ITIH2: variants seen among roughly 807,000 people sequenced by gnomAD.
The protein encoded by ITIH2 is inter-alpha-trypsin inhibitor heavy chain H2.
A neutral mutation model predicts 104.4 loss-of-function variants in ITIH2; 103 were observed. The observed-to-expected ratio is 0.99, with a 90% confidence interval of 0.84 to 1.16. The LOEUF is 1.16. ITIH2 is among the 50% of genes most tolerant of loss of function. The pLI is 0.00. For missense variants in ITIH2, 1,108 were observed against 1,162.4 expected (o/e 0.95, Z 0.68); for synonymous variants, 436 against 435.4 (o/e 1.00, Z -0.02).
chr10:7,738,372 C>T (rs958193405), intron 15 of ITIH2, among the ~76,000 whole-genome samples: 2 of 146,760 alleles, frequency 1.4e-5, no homozygotes, highest in Non-Finnish European at 3.0e-5. Flanking sequence ...GGCCCTTCCC[C>T]GGCCCTATAA....
At chr10:7,704,304 T>C (rs1225525684) in intron 1 of ITIH2, among the ~76,000 whole-genome samples, 1 of 152,228 alleles carries the variant, frequency 6.6e-6, no homozygotes, top group African/African-American at 2.4e-5. Context: ...AGGGAAAATA[T>C]CACTCTGTCT....
intron 3 of ITIH2, among the ~76,000 whole-genome samples, chr10:7,708,139 C>T (rs1052040063): frequency 6.2e-4 from 94 of 152,132 alleles, no homozygotes; most frequent in African/African-American, 2.1e-3. Flanking sequence ...GTTAATTAGT[C>T]GAAAGGTTTA....
At chr10:7,738,346 T>G (rs568240494) in intron 15 of ITIH2, among the ~76,000 whole-genome samples, 17 of 143,910 alleles carry the variant, frequency 1.2e-4, no homozygotes, top group African/African-American at 4.1e-4. Flanking sequence ...CTCCCCGGCC[T>G]GCACTGGAGT....
chr10:7,717,810 G>A, intron 6 of ITIH2, 22 bp downstream of exon 6: 5 of 1,595,524 alleles, frequency 3.1e-6, no homozygotes, highest in Non-Finnish European at 3.4e-6. Flanking sequence ...TCTGTAGGGT[G>A]GGCAGTGACA....
chr10:7,731,265 C>T (rs899081357), intron 12 of ITIH2, among the ~76,000 whole-genome samples: 1 of 151,950 alleles, frequency 6.6e-6, no homozygotes, highest in Non-Finnish European at 1.5e-5. Flanking sequence ...TCACGCTGAC[C>T]GTAACAGAAA....
intron 3 of ITIH2, among the ~76,000 whole-genome samples, chr10:7,708,625 G>C (rs1411496591): frequency 6.6e-6 from 1 of 152,078 alleles, no homozygotes; most frequent in Non-Finnish European, 1.5e-5. Context: ...ATACAACCAA[G>C]TTCCTCTTTC....
chr10:7,706,153 A>T (rs1400004926), intron 2 of ITIH2, among the ~76,000 whole-genome samples: 1 of 152,222 alleles, frequency 6.6e-6, no homozygotes, highest in African/African-American at 2.4e-5. Flanking sequence ...AAATCCAATA[A>T]GCAAGACTTC....
chr10:7,716,212 C>T (rs1021309716), intron 5 of ITIH2, among the ~76,000 whole-genome samples: 2 of 152,062 alleles, frequency 1.3e-5, no homozygotes, highest in South Asian at 2.1e-4. Flanking sequence ...AACTCCTGAC[C>T]TCAAGTGACC....
At chr10:7,745,404 C>T (rs889978621) in intron 19 of ITIH2, among the ~76,000 whole-genome samples, 2 of 152,000 alleles carry the variant, frequency 1.3e-5, no homozygotes, top group African/African-American at 2.4e-5. Context: ...ACCTCATTCT[C>T]CTGCCATCAG....
At chr10:7,718,886 C>T (rs1025296994) in intron 6 of ITIH2, among the ~76,000 whole-genome samples, 1 of 152,212 alleles carries the variant, frequency 6.6e-6, no homozygotes, top group Non-Finnish European at 1.5e-5. Flanking sequence ...GGGAGCAGTG[C>T]CTCGGTCATC....
intron 5 of ITIH2, 155 bp downstream of exon 5, chr10:7,713,440 T>A: frequency 1.7e-6 from 1 of 603,786 alleles, no homozygotes; most frequent in Non-Finnish European, 2.9e-6. Context: ...GGCACTGCAG[T>A]TTCTATTCGC....
rs1210274896 is a variant in ITIH2 at position 7,709,085 on chromosome 10, G to C, written c.256G>C (p.Ala86Pro). 8 of 1,613,700 alleles carry C rather than the reference G, an allele frequency of 5.0e-6. No homozygotes were observed. The African/African-American group carries it at 1.1e-4, about 22-fold the overall frequency. ...KVQSTITSRM[A>P]TTMIQSKVVN... ...CCAGTCTACTATTACTTCTCGGATG[G>C]CCACCACCATGATCCAGAGCAAAGT... Residue 86 changes from alanine to proline, a missense_variant, in exon 4 of 21, where the codon GCC becomes CCC. By Grantham distance (27) the Ala-to-Pro change is conservative (BLOSUM62 -1). Transcript: ENST00000358415.
At chr10:7,713,613 G>A (rs756979549) in intron 5 of ITIH2, among the ~76,000 whole-genome samples, 11 of 152,320 alleles carry the variant, frequency 7.2e-5, no homozygotes, top group African/African-American at 1.7e-4. Flanking sequence ...ATCTTGTTAC[G>A]AAACTTAACA....
chr10:7,725,037 CA>C (rs1324299999), intron 9 of ITIH2, among the ~76,000 whole-genome samples: 1 of 150,240 alleles, frequency 6.7e-6, no homozygotes, highest in Non-Finnish European at 1.5e-5. Context: ...AGAAACCAAA[CA>C]AAAAACAGAA....
At position 7,726,938 on chromosome 10, in the gene ITIH2, C is replaced by T. The variant is rs1834955962; in HGVS notation, c.985-12C>T. The T allele has an allele frequency of 1.3e-6, 2 of 1,591,310 alleles. No homozygotes were observed. The highest frequency in any genetic ancestry group is 1.1e-5 in the South Asian group (1 of 87,080). ...CTGTAATGGGACCTGTCTTTATTCTCTATTGAAATAGACTGTGGAAGCAAT... is the reference window on the plus strand; with the variant it reads ...CTGTAATGGGACCTGTCTTTATTCTTTATTGAAATAGACTGTGGAAGCAAT... On this transcript the variant is annotated splice_polypyrimidine_tract_variant and intron_variant, in intron 9 of 20. Coordinates refer to ENST00000358415, the MANE Select transcript of ITIH2 (RefSeq NM_002216.3).
intron 17 of ITIH2, 57 bp from the exon 18 acceptor site, chr10:7,744,025 C>A (rs1383375135): frequency 7.6e-7 from 1 of 1,311,594 alleles, no homozygotes; most frequent in East Asian, 2.4e-5. Context: ...TTATAGTACC[C>A]ACACATGCAA....
chr10:7,717,819 C>T lies in ITIH2; in HGVS notation c.630+31C>T, dbSNP rs781627759. 7.5e-6 allele frequency: 12 copies of T among 1,591,198 alleles called. No individual in the cohort carries two copies. The South Asian group carries it at 8.9e-5, about 12-fold the overall frequency. ...CCTGGATCTGTAGGGTGGGCAGTGA[C>T]ACTGTCCTTTTATAGTCTCTGACCC... On this transcript the variant is annotated intron_variant, in intron 6 of 20. Transcript: ENST00000358415.
intron 16 of ITIH2, among the ~76,000 whole-genome samples, chr10:7,739,783 A>T (rs1359845360): frequency 6.6e-6 from 1 of 152,116 alleles, no homozygotes; most frequent in Non-Finnish European, 1.5e-5. Flanking sequence ...CAGCTACTCA[A>T]GAGGTTGAGG....
chr10:7,741,484 G>A (rs1025661767), intron 16 of ITIH2, among the ~76,000 whole-genome samples: 1 of 152,056 alleles, frequency 6.6e-6, no homozygotes, highest in African/African-American at 2.4e-5. Context: ...GGCCTGTTCT[G>A]TGTTTTTACA....
Sources: allele counts gnomAD v4.1 joint callset (sites outside exome capture counted in the v4.1 genomes callset), GRCh38; gene constraint gnomAD v4.1.1; transcripts MANE v1.5; gene names NCBI Gene and HGNC (gene_info 2026-07-23, HGNC 2026-07-21).